Variants in ERCC6L2 observed in about 807,000 individuals in gnomAD.
ERCC6L2 encodes the protein ERCC excision repair 6 like 2.
ERCC6L2 carries 77 observed loss-of-function variants against 132.0 expected under a neutral mutation model. The observed-to-expected ratio is 0.58, with a 90% CI of 0.49 to 0.71. ERCC6L2 has a LOEUF of 0.71. Among genes scored for constraint, ERCC6L2 ranks in the 30% least tolerant of loss-of-function variants. The pLI is 0.00. For synonymous variants in ERCC6L2, 583 were observed against 632.4 expected, an observed-to-expected ratio of 0.92 and a Z score of 1.17; for missense variants, 1,542 against 1,837.6, an observed-to-expected ratio of 0.84 and a Z score of 2.94.
intron 13 of ERCC6L2, among the ~76,000 whole-genome samples, chr9:95,964,628 C>CA (rs1221841978): frequency 6.6e-6 from 1 of 152,132 alleles, no homozygotes; most frequent in Non-Finnish European, 1.5e-5. Context: ...AACTTCTTAA[C>CA]ATCATAAATG....
chr9:95,879,963 T>A (rs972115485), intron 1 of ERCC6L2, among the ~76,000 whole-genome samples: 2 of 152,334 alleles, frequency 1.3e-5, no homozygotes, highest in East Asian at 1.9e-4. Flanking sequence ...TTTACTTAGT[T>A]TTCTTTATTT....
At chr9:95,956,830 C>T (rs1392196528) in intron 13 of ERCC6L2, among the ~76,000 whole-genome samples, 3 of 152,118 alleles carry the variant, frequency 2.0e-5, no homozygotes. Context: ...AGATAAAATT[C>T]GGGTAGGGAC....
intron 16 of ERCC6L2, among the ~76,000 whole-genome samples, chr9:95,976,841 C>T (rs1832692829): frequency 6.6e-6 from 1 of 152,086 alleles, no homozygotes; most frequent in Non-Finnish European, 1.5e-5. Flanking sequence ...ATGAAAGAAG[C>T]TGAGATATAA....
chr9:95,891,545 T>G (rs759202705), intron 2 of ERCC6L2, among the ~76,000 whole-genome samples: 1 of 152,184 alleles, frequency 6.6e-6, no homozygotes, highest in Admixed American at 6.5e-5. Context: ...TTCTCTTGTG[T>G]GTATTCCTAG....
chr9:95,924,589 T>C (rs1830022730), intron 9 of ERCC6L2, among the ~76,000 whole-genome samples: 1 of 152,110 alleles, frequency 6.6e-6, no homozygotes, highest in Non-Finnish European at 1.5e-5. Context: ...GCATTAGTCA[T>C]TGCTACTCAT....
intron 11 of ERCC6L2, among the ~76,000 whole-genome samples, chr9:95,933,848 A>G (rs1467287413): frequency 5.1e-5 from 1 of 19,438 alleles, no homozygotes; most frequent in Admixed American, 7.0e-4. Flanking sequence ...TCTGTCTCAA[A>G]AAAAAAAAAA....
In ERCC6L2 at chr9:96,014,817, G is replaced by A. The variant is rs1433043178; in HGVS notation, c.*1614G>A. ...CATTGAGGGGCCTTCTACACAATGA[G>A]TGCATGATATGGTCCTTGATAGACT... On this transcript the variant is annotated 3_prime_UTR_variant, in exon 19 of 19. Coordinates refer to ENST00000653738, the MANE Select transcript of ERCC6L2 (RefSeq NM_020207.7). Among the ~76,000 whole-genome samples the A allele has an allele frequency of 1.3e-5, 2 of 152,162 alleles. No homozygotes were observed. Among genetic ancestry groups the A allele is most frequent in the Non-Finnish European group, 2.9e-5 (2 of 68,026 alleles).
At chr9:95,919,461 A>G (rs926197294) in intron 6 of ERCC6L2, among the ~76,000 whole-genome samples, 11 of 152,166 alleles carry the variant, frequency 7.2e-5, no homozygotes, top group Admixed American at 2.0e-4. Flanking sequence ...CCAGAACCCC[A>G]TGAGTTCAAC....
chr9:95,875,974 C>T lies in ERCC6L2; in HGVS notation c.-65C>T, dbSNP rs75475951. 9,219 of 1,535,734 alleles carry T rather than the reference C, an allele frequency of 6.0e-3. 467 individuals carry two copies. The African/African-American group carries it at 0.11, about 18-fold the overall frequency. On this transcript the variant is annotated 5_prime_UTR_variant, in exon 1 of 19. Coordinates refer to ENST00000653738, the MANE Select transcript of ERCC6L2 (RefSeq NM_020207.7). ...CGCCATTGGCCTGCCGGCCAGCCAC[C>T]TTGCTGTCCTCCGCCGCCTTCCGGG...
At chr9:95,967,605 G>A (rs919333372) in intron 14 of ERCC6L2, 1 of 152,138 alleles carries the variant, frequency 6.6e-6, no homozygotes, top group Admixed American at 6.6e-5. Flanking sequence ...AGTAGACCAT[G>A]GATGGCTGGG....
At chr9:95,896,370 C>CT (rs1174318464) in intron 2 of ERCC6L2, among the ~76,000 whole-genome samples, 2 of 147,024 alleles carry the variant, frequency 1.4e-5, no homozygotes, top group Non-Finnish European at 3.0e-5. Flanking sequence ...AGCTACTTGT[C>CT]TATTTGTTTT....
intron 13 of ERCC6L2, among the ~76,000 whole-genome samples, chr9:95,959,373 A>G (rs2133011702): frequency 6.6e-6 from 1 of 152,076 alleles, no homozygotes; most frequent in East Asian, 1.9e-4. Flanking sequence ...TTATACAAAA[A>G]TTAATTCAAG....
rs57740849 is a variant in ERCC6L2, at chr9:96,015,022, T to TTG, written c.*1820_*1821insGT. On this transcript the variant is annotated 3_prime_UTR_variant, in exon 19 of 19. Transcript: ENST00000653738. Reference sequence around the variant, plus strand: ...AGTCTTCATATATGTACAGTTTTTTTTTTTTTTTTTTTTTTTTTGAGATTG... The same window carrying TTG: ...AGTCTTCATATATGTACAGTTTTTTTTGTTTTTTTTTTTTTTTTTTGAGATTG... 1.7e-4 allele frequency among the ~76,000 whole-genome samples: 20 copies of TTG among 120,940 alleles called. No individual in the cohort carries two copies. In the East Asian group the frequency reaches 4.3e-3, roughly 26 times the overall value. 79.3% of individuals were successfully genotyped at this position (120,940 alleles called of 152,430 possible).
intron 17 of ERCC6L2, among the ~76,000 whole-genome samples, chr9:95,982,076 T>G (rs771686347): frequency 1.3e-5 from 2 of 152,154 alleles, no homozygotes; most frequent in Non-Finnish European, 2.9e-5. Context: ...TGACAGACAC[T>G]TGGCACTCTT....
chr9:95,917,952 C>T (rs985525271), intron 6 of ERCC6L2, among the ~76,000 whole-genome samples: 4 of 152,112 alleles, frequency 2.6e-5, no homozygotes, highest in African/African-American at 7.2e-5. Flanking sequence ...TCATTGACCA[C>T]CAACTTCTAT....
intron 12 of ERCC6L2, among the ~76,000 whole-genome samples, chr9:95,952,670 C>CA (rs764842994): frequency 4.1e-4 from 62 of 151,016 alleles, no homozygotes; most frequent in Non-Finnish European, 5.9e-4. Context: ...CACATCTCTA[C>CA]AAAAAAAAAT....
chr9:95,943,863 T>TC (rs1272430222), intron 12 of ERCC6L2, among the ~76,000 whole-genome samples: 5 of 152,102 alleles, frequency 3.3e-5, no homozygotes, highest in Non-Finnish European at 5.9e-5. Flanking sequence ...AGAAAACAAG[T>TC]CCTAGTTGAG....
chr9:95,964,267 A>G (rs1319736537), intron 13 of ERCC6L2, among the ~76,000 whole-genome samples: 1 of 152,116 alleles, frequency 6.6e-6, no homozygotes, highest in East Asian at 1.9e-4. Context: ...ATTGAATATC[A>G]CTATTTATTT....
In ERCC6L2 at chr9:95,972,086, A is replaced by G; in HGVS notation, c.2335A>G (p.Ser779Gly). 1.5e-6 allele frequency: 2 copies of G among 1,304,306 alleles called. No individual in the cohort carries two copies. The highest frequency in any genetic ancestry group is 2.0e-6 in the Non-Finnish European group (2 of 988,960). The allele number at this position is 1,304,306 out of a possible 1,614,324, so 80.8% of individuals were successfully genotyped here. The change falls in exon 16 of 19, where the codon AGT (serine) becomes GGT (glycine). Residue 779 changes from serine to glycine, a missense_variant. Coordinates refer to ENST00000653738, the MANE Select transcript of ERCC6L2 (RefSeq NM_020207.7). The part of the protein sequence containing the change: ...KTAKNKAPDS[S>G]KASSSPGQLT... Reference sequence around the variant, plus strand: ...TGCCAAAAACAAAGCACCCGATTCAAGTAAAGCTTCCAGCTCTCCAGGACA... The same window carrying G: ...TGCCAAAAACAAAGCACCCGATTCAGGTAAAGCTTCCAGCTCTCCAGGACA...
Sources: gnomAD v4.1 joint callset for allele counts (sites outside exome capture counted in the v4.1 genomes callset) on GRCh38, gnomAD v4.1.1 for gene constraint, MANE v1.5 for transcripts, NCBI Gene and HGNC (gene_info 2026-07-23, HGNC 2026-07-21) for gene names.